The following TENM4 variants were observed in gnomAD, a reference collection of about 807,000 sequenced individuals.
TENM4 encodes teneurin transmembrane protein 4.
A neutral mutation model predicts 243.3 loss-of-function variants in TENM4; 82 were observed. The ratio of observed to expected loss-of-function variants is 0.34; its 90% CI spans 0.28 to 0.40. TENM4 has a LOEUF of 0.40. TENM4 is among the 10% of genes least tolerant of loss of function. TENM4 has a pLI of 1.00. For missense variants in TENM4, 3,138 were observed against 3,673.3 expected (o/e 0.85, Z 3.77); for synonymous variants, 1,412 against 1,456.3 (o/e 0.97, Z 0.69).
At chr11:79,073,518 A>C (rs1860467865) in intron 4 of TENM4, among the ~76,000 whole-genome samples, 1 of 152,208 alleles carries the variant, frequency 6.6e-6, no homozygotes. Flanking sequence ...ATGTCTTCTT[A>C]TTAAGCCTCA....
chr11:78,850,947 T>G (rs1858522864), intron 12 of TENM4, among the ~76,000 whole-genome samples: 1 of 152,228 alleles, frequency 6.6e-6, no homozygotes, highest in African/African-American at 2.4e-5. Context: ...ATAAGGCGTC[T>G]GTCTTCAAAG....
At chr11:78,814,500 T>C (rs1458681522) in intron 12 of TENM4, 105 bp from the exon 13 acceptor site, 3 of 868,782 alleles carry the variant, frequency 3.5e-6, no homozygotes, top group East Asian at 2.9e-5. Context: ...ATTTGAGCTC[T>C]TGTGGCCCCG....
At chr11:78,868,792 A>C (rs1859050958) in intron 9 of TENM4, among the ~76,000 whole-genome samples, 1 of 152,172 alleles carries the variant, frequency 6.6e-6, no homozygotes, top group Non-Finnish European at 1.5e-5. Context: ...AGCTCCAGGG[A>C]GTGACTAGAC....
intron 4 of TENM4, among the ~76,000 whole-genome samples, chr11:79,107,702 C>G (rs937112816): frequency 6.6e-6 from 1 of 152,232 alleles, no homozygotes; most frequent in African/African-American, 2.4e-5. Flanking sequence ...ATCATAGTCA[C>G]TTCACTGAGG....
In TENM4 at chr11:79,416,911, G is replaced by C. The variant is rs1025077357; in HGVS notation, c.-321+23598C>G. On this transcript the variant is annotated intron_variant, in intron 1 of 33. Coordinates refer to ENST00000278550, the MANE Select transcript of TENM4 (RefSeq NM_001098816.3). Reference sequence around the variant, plus strand: ...AAGAAAAAAAAAGACAGACACTACAGGCAACTGTAACATCAACGCTTTCTT... The same window carrying C: ...AAGAAAAAAAAAGACAGACACTACACGCAACTGTAACATCAACGCTTTCTT... Among the ~76,000 whole-genome samples, 11 of 152,096 alleles carry C rather than the reference G, an allele frequency of 7.2e-5. 1 individual carries two copies. In the South Asian group the frequency reaches 1.7e-3, roughly 23 times the overall value.
intron 9 of TENM4, among the ~76,000 whole-genome samples, chr11:78,880,231 T>G (rs2136269905): frequency 6.6e-6 from 1 of 152,308 alleles, no homozygotes; most frequent in African/African-American, 2.4e-5. Context: ...AAGATTTGCT[T>G]TGTTAAACAG....
chr11:79,093,260 G>A (rs1861002127), intron 4 of TENM4: 1 of 140,566 alleles, frequency 7.1e-6, no homozygotes, highest in Non-Finnish European at 1.5e-5. Context: ...ACCCACTTCT[G>A]GCCAGTAAGA....
chr11:79,231,501 A>G (rs1864372944), intron 2 of TENM4, among the ~76,000 whole-genome samples: 1 of 152,188 alleles, frequency 6.6e-6, no homozygotes, highest in South Asian at 2.1e-4. Context: ...GACTTCAGGC[A>G]TTCTGGATAA....
chr11:79,140,509 C>A (rs991404845), intron 4 of TENM4, among the ~76,000 whole-genome samples: 9 of 152,070 alleles, frequency 5.9e-5, no homozygotes, highest in Non-Finnish European at 1.0e-4. Flanking sequence ...TAAGACGCTT[C>A]CAAGTCTTGT....
At chr11:79,153,147 C>T (rs1423357364) in intron 3 of TENM4, among the ~76,000 whole-genome samples, 2 of 152,140 alleles carry the variant, frequency 1.3e-5, no homozygotes, top group South Asian at 2.1e-4. Flanking sequence ...AGGACCTGTG[C>T]TCAGGTTTTG....
intron 18 of TENM4, among the ~76,000 whole-genome samples, chr11:78,763,500 T>A (rs1307170906): frequency 6.6e-6 from 1 of 152,352 alleles, no homozygotes; most frequent in Middle Eastern, 3.4e-3. Flanking sequence ...TGCTGGTGCA[T>A]GGAGGGCTGG....
intron 10 of TENM4, among the ~76,000 whole-genome samples, chr11:78,860,986 C>T (rs906712385): frequency 3.3e-5 from 5 of 152,250 alleles, no homozygotes; most frequent in Admixed American, 2.0e-4. Context: ...CAGATAGATC[C>T]GACTCCTGTT....
chr11:79,310,481 T>C (rs926562674), intron 1 of TENM4, among the ~76,000 whole-genome samples: 11 of 152,220 alleles, frequency 7.2e-5, no homozygotes, highest in Non-Finnish European at 1.6e-4. Flanking sequence ...TCATATGGCC[T>C]CCCTGAATTC....
At chr11:79,032,273 G>T (rs1194221820) in intron 6 of TENM4, among the ~76,000 whole-genome samples, 1 of 152,126 alleles carries the variant, frequency 6.6e-6, no homozygotes, top group African/African-American at 2.4e-5. Context: ...TGAGGCGGGG[G>T]GCACCAGGCC....
At chr11:79,414,850 T>A (rs1858779210) in intron 1 of TENM4, among the ~76,000 whole-genome samples, 1 of 152,136 alleles carries the variant, frequency 6.6e-6, no homozygotes, top group South Asian at 2.1e-4. Flanking sequence ...CCTCCTGAGC[T>A]CCTTGAACCT....
At position 78,805,277 on chromosome 11, in the gene TENM4, T is replaced by TACCCCCCCCCCCCCCCCCCCCC; in HGVS notation, c.2179+14_2179+15insGGGGGGGGGGGGGGGGGGGGGT. 2.1e-6 allele frequency: 3 copies of TACCCCCCCCCCCCCCCCCCCCC among 1,402,548 alleles called. No individual in the cohort carries two copies. The highest frequency in any genetic ancestry group is 2.9e-6 in the Non-Finnish European group (3 of 1,033,116). 86.9% of individuals were successfully genotyped at this position (1,402,548 alleles called of 1,614,324 possible). A position where few individuals can be genotyped will look rare whatever the true frequency, so the allele number is the denominator to read the frequency against. ...CCCCTCCCTCTACCCATGCTTCTTC[T>TACCCCCCCCCCCCCCCCCCCCC]CCCCCTGCATTTACCGATAGAACAG... On this transcript the variant is annotated intron_variant, in intron 15 of 33. Coordinates refer to ENST00000278550, the MANE Select transcript of TENM4 (RefSeq NM_001098816.3).
rs959695219 is a variant in TENM4, at chr11:79,438,362, G to T, written c.-321+2147C>A. Among the ~76,000 whole-genome samples, 1 of 152,184 alleles carries T rather than the reference G, an allele frequency of 6.6e-6. No homozygotes were observed. Among genetic ancestry groups the T allele is most frequent in the Admixed American group, 6.5e-5 (1 of 15,286 alleles). ...AAGCGGCGAAACGGGGAGAATAAACGCAACAGAAGCAAACTGCTGTCTGCA... is the reference window on the plus strand; with the variant it reads ...AAGCGGCGAAACGGGGAGAATAAACTCAACAGAAGCAAACTGCTGTCTGCA... On this transcript the variant is annotated intron_variant, in intron 1 of 33. Coordinates refer to ENST00000278550, the MANE Select transcript of TENM4 (RefSeq NM_001098816.3). The surrounding 1 kb of genome is among the most constrained non-coding windows in gnomAD (Gnocchi z 4.1).
At chr11:78,889,749 G>A (rs868392040) in intron 9 of TENM4, 36 bp downstream of exon 9, 10 of 1,545,656 alleles carry the variant, frequency 6.5e-6, no homozygotes, top group East Asian at 2.4e-5. Context: ...CTGGGCCAAA[G>A]AGGAGCAAGG....
At chr11:79,399,012 G>C (rs1858404187) in intron 1 of TENM4, among the ~76,000 whole-genome samples, 1 of 152,188 alleles carries the variant, frequency 6.6e-6, no homozygotes, top group South Asian at 2.1e-4. Context: ...GCAGAGGGAA[G>C]TGTGCTAGGC....
Sources: gnomAD v4.1 joint callset for allele counts (sites outside exome capture counted in the v4.1 genomes callset) on GRCh38, gnomAD v4.1.1 for gene constraint, Gnocchi (gnomAD v3.1) non-coding constraint, MANE v1.5 for transcripts, NCBI Gene and HGNC (gene_info 2026-07-23, HGNC 2026-07-21) for gene names.